The following ADAP2 variants were observed in gnomAD, a reference collection of about 807,000 sequenced individuals.
ADAP2 encodes the protein arf-GAP with dual PH domain-containing protein 2.
A neutral mutation model predicts 54.9 loss-of-function variants in ADAP2; 42 were observed. That is an observed-to-expected ratio of 0.77 (90% CI 0.60 to 0.99). ADAP2 has a LOEUF of 0.99. Ranked by LOEUF, ADAP2 falls within the 50% of genes least tolerant of loss-of-function variation. The probability of loss-of-function intolerance (pLI) is 0.00; values close to 1 mark genes in which losing one functional copy is unlikely to be tolerated. For synonymous variants in ADAP2, 177 were observed against 180.1 expected (o/e 0.98, Z 0.14); for missense variants, 429 against 480.4 (o/e 0.89, Z 1.00).
At chr17:30,940,372 T>A (rs1215845426) in intron 5 of ADAP2, among the ~76,000 whole-genome samples, 1 of 151,796 alleles carries the variant, frequency 6.6e-6, no homozygotes, top group Non-Finnish European at 1.5e-5. Flanking sequence ...TGGCACGATC[T>A]CGGCTCACTG....
chr17:30,933,315 G>C (rs1911633115), intron 4 of ADAP2, among the ~76,000 whole-genome samples: 1 of 151,926 alleles, frequency 6.6e-6, no homozygotes, highest in Non-Finnish European at 1.5e-5. Context: ...AGTCTCCCGA[G>C]TAGCTGGGAT....
chr17:30,949,496 C>T (rs1241366569), intron 7 of ADAP2, 126 bp downstream of exon 7: 3 of 791,250 alleles, frequency 3.8e-6, no homozygotes, highest in Non-Finnish European at 6.3e-6. Context: ...CGCCTGTAAT[C>T]CCAGCACTTT....
intron 2 of ADAP2, among the ~76,000 whole-genome samples, chr17:30,925,436 C>G (rs1358768282): frequency 1.3e-5 from 2 of 152,072 alleles, no homozygotes; most frequent in African/African-American, 4.8e-5. Context: ...GGTGATCCAC[C>G]TGCCTTAGCC....
At chr17:30,928,971 G>A (rs946746162) in intron 3 of ADAP2, among the ~76,000 whole-genome samples, 8 of 152,176 alleles carry the variant, frequency 5.3e-5, no homozygotes, top group Non-Finnish European at 1.5e-5. Flanking sequence ...TTCAGCTGCC[G>A]AGCCTCAGCA....
At chr17:30,928,927 G>A (rs1458013804) in intron 3 of ADAP2, among the ~76,000 whole-genome samples, 1 of 152,206 alleles carries the variant, frequency 6.6e-6, no homozygotes, top group Non-Finnish European at 1.5e-5. Context: ...CAGCCTCATA[G>A]CGGGTATGTC....
chr17:30,934,186 T>A lies in ADAP2; in HGVS notation c.399T>A (p.Gly133=). The part of the protein sequence containing the change: ...MADGETISLP[G]NREGFLWKRG... ...GCTTTGTCATCCTTGCTGCTTAAGGTAACCGAGAAGGATTCCTGTGGAAGC... is the reference window on the plus strand; with the variant it reads ...GCTTTGTCATCCTTGCTGCTTAAGGAAACCGAGAAGGATTCCTGTGGAAGC... Residue 133 remains glycine (G), a splice_region_variant and synonymous_variant, in exon 5 of 11, where the codon GGT becomes GGA. Transcript: ENST00000330889. 6.2e-7 allele frequency: 1 copy of A among 1,613,602 alleles called. No individual in the cohort carries two copies.
At chr17:30,950,063 G>C (rs868118415) in intron 7 of ADAP2, among the ~76,000 whole-genome samples, 67 of 152,350 alleles carry the variant, frequency 4.4e-4, no homozygotes, top group African/African-American at 1.6e-3. Context: ...ATGGCAGCCA[G>C]GCAGGGGTGA....
At chr17:30,922,587 C>T (rs1910710709) in intron 1 of ADAP2, among the ~76,000 whole-genome samples, 1 of 152,164 alleles carries the variant, frequency 6.6e-6, no homozygotes, top group Non-Finnish European at 1.5e-5. Flanking sequence ...CGAAGGCCTC[C>T]CCAGCGCCCC....
chr17:30,927,050 G>T, intron 3 of ADAP2, 132 bp downstream of exon 3: 1 of 676,722 alleles, frequency 1.5e-6, no homozygotes, highest in Non-Finnish European at 2.6e-6. Flanking sequence ...ATCCAGGAAA[G>T]CACTGGATAC....
At chr17:30,922,629 G>T (rs1910716120) in intron 1 of ADAP2, among the ~76,000 whole-genome samples, 1 of 151,788 alleles carries the variant, frequency 6.6e-6, no homozygotes, top group South Asian at 2.1e-4. Flanking sequence ...CCCTAACTCA[G>T]CCTCCCCACC....
chr17:30,940,557 G>A (rs971831466), intron 5 of ADAP2, among the ~76,000 whole-genome samples: 1 of 151,824 alleles, frequency 6.6e-6, no homozygotes, highest in African/African-American at 2.4e-5. Flanking sequence ...CGCCCGCCTT[G>A]GTCTCTGAAA....
chr17:30,956,720 A>C lies in ADAP2; in HGVS notation c.1111+251A>C, dbSNP rs1905099676. The C allele has an allele frequency of 5.7e-6, 3 of 529,802 alleles. No homozygotes were observed. In the South Asian group the frequency reaches 6.2e-5, roughly 11 times the overall value. 32.8% of individuals were successfully genotyped at this position (529,802 alleles called of 1,614,324 possible). A position where few individuals can be genotyped will look rare whatever the true frequency, so the allele number is the denominator to read the frequency against. On this transcript the variant is annotated intron_variant, in intron 10 of 10. Coordinates refer to ENST00000330889, the MANE Select transcript of ADAP2 (RefSeq NM_018404.3). ...TTTTAGAGGAGTTTGGCCCTGGCAG[A>C]ACCCCTGGGTGCTGTCTGTACCCCT...
chr17:30,954,852 GTGA>G (rs1345441928), intron 9 of ADAP2, among the ~76,000 whole-genome samples: 4 of 152,224 alleles, frequency 2.6e-5, no homozygotes, highest in African/African-American at 9.6e-5. Context: ...CCAAGAGGCC[GTGA>G]TGTGTAGTAG....
At chr17:30,922,815 G>T (rs1910735335) in intron 1 of ADAP2, 125 bp from the exon 2 acceptor site, 1 of 1,144,582 alleles carries the variant, frequency 8.7e-7, no homozygotes, top group East Asian at 2.4e-5. Context: ...GAAGGTGCCA[G>T]GCTGGCCGCT....
At chr17:30,949,468 G>A (rs991380084) in intron 7 of ADAP2, 98 bp downstream of exon 7, 8 of 1,173,334 alleles carry the variant, frequency 6.8e-6, no homozygotes, top group African/African-American at 1.5e-5. Flanking sequence ...CCAGACTAGG[G>A]CTGGGCGCGG....
intron 7 of ADAP2, among the ~76,000 whole-genome samples, chr17:30,952,983 A>G (rs1341631051): frequency 1.3e-5 from 2 of 152,168 alleles, no homozygotes; most frequent in Non-Finnish European, 2.9e-5. Context: ...CCCTCAGAAC[A>G]TGTTGCCTGA....
chr17:30,957,157 G>C (rs540910955), intron 10 of ADAP2, among the ~76,000 whole-genome samples: 3 of 152,340 alleles, frequency 2.0e-5, no homozygotes, highest in African/African-American at 7.2e-5. Context: ...TGCCCTTTGA[G>C]TCTGACTGAT....
At chr17:30,939,766 A>G (rs540454170) in intron 5 of ADAP2, among the ~76,000 whole-genome samples, 1 of 143,316 alleles carries the variant, frequency 7.0e-6, no homozygotes, top group Non-Finnish European at 1.5e-5. Flanking sequence ...GCAAAATTCC[A>G]TTTCCAAAAA....
intron 6 of ADAP2, among the ~76,000 whole-genome samples, chr17:30,947,561 C>T (rs1479881981): frequency 1.3e-5 from 2 of 152,158 alleles, no homozygotes; most frequent in Non-Finnish European, 2.9e-5. Context: ...CCATGTTGGT[C>T]AGGCTGGTCT....
Sources: allele counts gnomAD v4.1 joint callset (sites outside exome capture counted in the v4.1 genomes callset), GRCh38; gene constraint gnomAD v4.1.1; transcripts MANE v1.5; gene names NCBI Gene and HGNC (gene_info 2026-07-23, HGNC 2026-07-21).